The following NCOA1 variants were observed in gnomAD, a reference collection of about 807,000 sequenced individuals.
NCOA1 encodes the protein Hin-2 protein.
Under a neutral mutation model 150.9 loss-of-function variants are expected in NCOA1, and 35 were observed. The ratio of observed to expected loss-of-function variants is 0.23; its 90% CI spans 0.18 to 0.31. The LOEUF (loss-of-function observed/expected upper bound fraction) is 0.31. Ranked by LOEUF, NCOA1 falls within the 10% of genes least tolerant of loss-of-function variation. The pLI is 1.00. For missense variants in NCOA1, 1,491 were observed against 1,749.3 expected (o/e 0.85, Z 2.63); for synonymous variants, 590 against 630.0 (o/e 0.94, Z 0.95).
intron 3 of NCOA1, among the ~76,000 whole-genome samples, chr2:24,604,592 C>T (rs1041773546): frequency 2.0e-5 from 3 of 152,214 alleles, no homozygotes; most frequent in African/African-American, 7.2e-5. Context: ...TAGCTTCAAA[C>T]TTCTGCAGCT....
intron 3 of NCOA1, among the ~76,000 whole-genome samples, chr2:24,612,771 T>G (rs1668687648): frequency 6.6e-6 from 1 of 152,184 alleles, no homozygotes; most frequent in South Asian, 2.1e-4. Flanking sequence ...TATTTACCGC[T>G]TCCTTCATTT....
At chr2:24,583,189 ATAAG>A (rs1667271035) in intron 2 of NCOA1, among the ~76,000 whole-genome samples, 2 of 152,330 alleles carry the variant, frequency 1.3e-5, no homozygotes, top group Middle Eastern at 3.4e-3. Context: ...AATATCAAAA[ATAAG>A]TAAGAAACTC....
chr2:24,516,984 GTATATATA>G (rs1363181709), intron 1 of NCOA1, among the ~76,000 whole-genome samples: 1 of 48,536 alleles, frequency 2.1e-5, no homozygotes, highest in Non-Finnish European at 5.9e-5. Flanking sequence ...ACACATATAC[GTATATATA>G]TACACACGCG....
At chr2:24,660,500 G>T (rs1671137352) in intron 5 of NCOA1, among the ~76,000 whole-genome samples, 2 of 151,692 alleles carry the variant, frequency 1.3e-5, no homozygotes, top group South Asian at 2.1e-4. Context: ...GAGCAATATA[G>T]AATATTACAT....
chr2:24,553,011 T>TAATAC (rs1323723683), intron 1 of NCOA1, among the ~76,000 whole-genome samples: 2 of 152,322 alleles, frequency 1.3e-5, no homozygotes, highest in Admixed American at 1.3e-4. Flanking sequence ...ACTGACAGTG[T>TAATAC]AATACAATAC....
chr2:24,525,656 C>T (rs1664624034), intron 1 of NCOA1, among the ~76,000 whole-genome samples: 1 of 151,664 alleles, frequency 6.6e-6, no homozygotes, highest in Non-Finnish European at 1.5e-5. Flanking sequence ...ATGCAATTCT[C>T]CTGCCTCGGC....
At chr2:24,753,391 G>T (rs1572685680) in intron 20 of NCOA1, among the ~76,000 whole-genome samples, 1 of 150,890 alleles carries the variant, frequency 6.6e-6, no homozygotes, top group Non-Finnish European at 1.5e-5. Context: ...CAGTCATGCT[G>T]ACATGTCTCA....
intron 3 of NCOA1, among the ~76,000 whole-genome samples, chr2:24,592,930 C>T (rs1667720172): frequency 6.6e-6 from 1 of 152,094 alleles, no homozygotes; most frequent in South Asian, 2.1e-4. Flanking sequence ...GTCTCTGTCC[C>T]CTTCTTTTTT....
chr2:24,533,358 C>T (rs143658944), intron 1 of NCOA1, among the ~76,000 whole-genome samples: 7 of 152,018 alleles, frequency 4.6e-5, no homozygotes, highest in Non-Finnish European at 7.3e-5. Context: ...TGAGACGATG[C>T]GGTTTTCTAA....
At chr2:24,635,441 CT>C (rs1270280693) in intron 3 of NCOA1, among the ~76,000 whole-genome samples, 3 of 151,948 alleles carry the variant, frequency 2.0e-5, no homozygotes, top group African/African-American at 7.2e-5. Context: ...GCTTCAGTTA[CT>C]GCTTGGTTTT....
chr2:24,759,111 T>G (rs1006071155), intron 21 of NCOA1, among the ~76,000 whole-genome samples: 1 of 152,254 alleles, frequency 6.6e-6, no homozygotes, highest in Admixed American at 6.5e-5. Flanking sequence ...CAGTACTTAC[T>G]GTGTACAAAG....
At chr2:24,697,526 A>G (rs1298149713) in intron 10 of NCOA1, 132 bp from the exon 11 acceptor site, 1 of 833,548 alleles carries the variant, frequency 1.2e-6, no homozygotes, top group Non-Finnish European at 1.8e-6. Flanking sequence ...ATAAAAATTA[A>G]TAGTGCTTTT....
rs577510259 is a variant in NCOA1 at position 24,609,507 on chromosome 2, C to G, written c.-175+24947C>G. On this transcript the variant is annotated intron_variant, in intron 3 of 22. Transcript: ENST00000348332. Reference sequence around the variant, plus strand: ...TGGTGGAGCAGGGCCATCCCAGCAACTCTGGAGGCTGAGACTAGGAGGATT... The same window carrying G: ...TGGTGGAGCAGGGCCATCCCAGCAAGTCTGGAGGCTGAGACTAGGAGGATT... Among the ~76,000 whole-genome samples, 31 of 152,246 alleles carry G rather than the reference C, an allele frequency of 2.0e-4. 1 individual carries two copies. The highest frequency in any genetic ancestry group is 7.2e-4 in the African/African-American group (30 of 41,530).
intron 1 of NCOA1, among the ~76,000 whole-genome samples, chr2:24,510,607 A>G (rs1000653157): frequency 6.6e-6 from 1 of 151,968 alleles, no homozygotes; most frequent in Non-Finnish European, 1.5e-5. Context: ...CCTCTTCGTA[A>G]TCCCAGACTG....
At chr2:24,657,739 C>T (rs1204781945) in intron 4 of NCOA1, among the ~76,000 whole-genome samples, 2 of 152,124 alleles carry the variant, frequency 1.3e-5, no homozygotes, top group Admixed American at 1.3e-4. Context: ...ACATACAGTG[C>T]TGTAGTTTAA....
intron 1 of NCOA1, among the ~76,000 whole-genome samples, chr2:24,522,479 A>G (rs1009857853): frequency 3.9e-5 from 6 of 152,208 alleles, no homozygotes; most frequent in African/African-American, 9.6e-5. Flanking sequence ...TATATCAACA[A>G]TTATTATAAT....
intron 2 of NCOA1, among the ~76,000 whole-genome samples, chr2:24,573,815 A>G (rs958226080): frequency 1.8e-4 from 27 of 152,002 alleles, no homozygotes; most frequent in African/African-American, 6.0e-4. Context: ...CGGGTCAAAC[A>G]GGAGATCAAA....
intron 3 of NCOA1, among the ~76,000 whole-genome samples, chr2:24,614,834 CAT>C (rs1368642849): frequency 2.0e-5 from 3 of 152,138 alleles, no homozygotes; most frequent in Admixed American, 6.5e-5. Flanking sequence ...AATAAGGTAA[CAT>C]ATATTGTAAG....
intron 1 of NCOA1, among the ~76,000 whole-genome samples, chr2:24,553,710 C>T (rs1264584623): frequency 6.6e-6 from 1 of 152,110 alleles, no homozygotes; most frequent in African/African-American, 2.4e-5. Flanking sequence ...TATTTTCCAT[C>T]TATGTTCATC....
Sources: allele counts gnomAD v4.1 joint callset (sites outside exome capture counted in the v4.1 genomes callset), GRCh38; gene constraint gnomAD v4.1.1; transcripts MANE v1.5; gene names NCBI Gene and HGNC (gene_info 2026-07-23, HGNC 2026-07-21).